The following RGS20 variants were observed in gnomAD, a reference collection of about 807,000 sequenced individuals.
RGS20 encodes the protein regulator of G protein signaling 20.
In RGS20, 30 loss-of-function variants were observed where a neutral mutation model predicts 33.6. That is an observed-to-expected ratio of 0.89 (90% CI 0.67 to 1.21). The LOEUF (loss-of-function observed/expected upper bound fraction) is 1.21. RGS20 is among the 50% of genes most tolerant of loss of function. RGS20 has a pLI of 0.00. For missense variants in RGS20, 472 were observed against 502.4 expected, an observed-to-expected ratio of 0.94 and a Z score of 0.58; for synonymous variants, 208 against 197.9, an observed-to-expected ratio of 1.05 and a Z score of -0.43.
At position 53,879,442 on chromosome 8, in the gene RGS20, C is replaced by A; in HGVS notation, c.350C>A (p.Ser117Ter). The change falls in exon 2 of 6, where the codon TCG becomes TAG. Residue 117 changes from serine (S) to a stop codon, truncating the protein, a stop_gained. Coordinates refer to ENST00000297313, the MANE Select transcript of RGS20 (RefSeq NM_170587.4). LOFTEE classifies it high-confidence loss of function. ...CCCGCCCTGCCGGCCGCCCGGCTCT[C>A]GAGGGGGCACGAGGAGCTGCCGGGC... 2 of 1,599,150 alleles carry A rather than the reference C, an allele frequency of 1.3e-6. No homozygotes were observed. Among genetic ancestry groups the A allele is most frequent in the Non-Finnish European group, 1.7e-6 (2 of 1,174,280 alleles).
chr8:53,888,425 G>A (rs978398840), intron 2 of RGS20, among the ~76,000 whole-genome samples: 1 of 152,116 alleles, frequency 6.6e-6, no homozygotes, highest in Non-Finnish European at 1.5e-5. Context: ...TTATGTAAGT[G>A]TACCCCCACA....
At chr8:53,927,201 G>GT (rs553191513) in intron 2 of RGS20, among the ~76,000 whole-genome samples, 3,886 of 126,888 alleles carry the variant, frequency 0.031, 64 homozygotes, top group African/African-American at 0.049. Context: ...TTTTTGGGGC[G>GT]TTTTTTTTTT....
intron 1 of RGS20, among the ~76,000 whole-genome samples, chr8:53,869,767 G>C (rs577149380): frequency 1.2e-4 from 18 of 152,186 alleles, no homozygotes; most frequent in East Asian, 1.9e-4. Flanking sequence ...CACACACCAA[G>C]AGAACATGGA....
In RGS20 at chr8:53,899,012, T is replaced by C. The variant is rs115406232; in HGVS notation, c.510+19410T>C. 9.7e-3 allele frequency among the ~76,000 whole-genome samples: 1,470 copies of C among 152,306 alleles called. 24 individuals carry two copies. Among genetic ancestry groups the C allele is most frequent in the African/African-American group, 0.033 (1,391 of 41,562 alleles). ...TGGCACATTATTGTTCAAATACATA[T>C]TAAAATTTCTGCTGTTAGGAACTTT... On this transcript the variant is annotated intron_variant, in intron 2 of 5. Coordinates refer to ENST00000297313, the MANE Select transcript of RGS20 (RefSeq NM_170587.4).
chr8:53,941,210 T>A (rs533073437), intron 3 of RGS20, among the ~76,000 whole-genome samples: 324 of 152,318 alleles, frequency 2.1e-3, no homozygotes, highest in African/African-American at 7.6e-3. Context: ...TATCTGTACC[T>A]AAGACACTAT....
chr8:53,885,761 T>C (rs1278992244), intron 2 of RGS20, among the ~76,000 whole-genome samples: 1 of 151,258 alleles, frequency 6.6e-6, no homozygotes. Flanking sequence ...TTTTTTCCAG[T>C]GTGTGAACTG....
At chr8:53,928,680 G>A (rs1426836762) in intron 2 of RGS20, among the ~76,000 whole-genome samples, 4 of 151,974 alleles carry the variant, frequency 2.6e-5, no homozygotes, top group Admixed American at 6.6e-5. Flanking sequence ...AAAATTAGCC[G>A]GGCGTGGTGG....
At chr8:53,947,624 GCTATATATAGGATATAGTACATACATTT>G (rs1814548379) in intron 4 of RGS20, among the ~76,000 whole-genome samples, 1 of 100,354 alleles carries the variant, frequency 1.0e-5, no homozygotes, top group African/African-American at 3.8e-5. Context: ...ATTTATATAT[GCTATATATAGGATATAGTACATACATTT>G]ATATATGCTA....
chr8:53,875,444 AAAAAAACC>A (rs1328638822), intron 1 of RGS20, among the ~76,000 whole-genome samples: 2 of 148,008 alleles, frequency 1.4e-5, no homozygotes, highest in African/African-American at 5.1e-5. Flanking sequence ...AAAAAAAAAA[AAAAAAACC>A]AAAAAAACCA....
intron 2 of RGS20, among the ~76,000 whole-genome samples, chr8:53,924,070 T>A (rs1585926154): frequency 6.6e-6 from 1 of 151,788 alleles, no homozygotes; most frequent in African/African-American, 2.4e-5. Context: ...CAGGCCGGAG[T>A]GCAATGGAAT....
At chr8:53,858,724 C>T (rs879285414) in intron 1 of RGS20, among the ~76,000 whole-genome samples, 6 of 151,832 alleles carry the variant, frequency 4.0e-5, no homozygotes, top group South Asian at 2.1e-4. Context: ...ACAATTGAGA[C>T]GCCCCCAAGC....
chr8:53,853,704 G>A (rs1323068783), intron 1 of RGS20, among the ~76,000 whole-genome samples: 3 of 152,316 alleles, frequency 2.0e-5, no homozygotes, highest in South Asian at 2.1e-4. Context: ...AGGAGCCATA[G>A]GGAATAAAGA....
intron 4 of RGS20, among the ~76,000 whole-genome samples, chr8:53,953,026 T>A (rs749107204): frequency 1.3e-5 from 2 of 152,048 alleles, no homozygotes; most frequent in Non-Finnish European, 2.9e-5. Flanking sequence ...CATTCATAAG[T>A]GTTCATTTAC....
intron 1 of RGS20, among the ~76,000 whole-genome samples, chr8:53,871,112 CAAAAAAAAAAAAA>C (rs370091533): frequency 0.013 from 269 of 21,488 alleles, 3 homozygotes; most frequent in Middle Eastern, 0.043. Context: ...CTCCATCTCA[CAAAAAAAAAAAAA>C]AAAAAAAAAA....
intron 2 of RGS20, among the ~76,000 whole-genome samples, chr8:53,909,040 T>A (rs375231599): frequency 6.6e-6 from 1 of 150,964 alleles, no homozygotes; most frequent in African/African-American, 2.4e-5. Flanking sequence ...ATGTGAGGAT[T>A]TTACATGAAT....
intron 5 of RGS20, among the ~76,000 whole-genome samples, chr8:53,956,871 G>A (rs1021812929): frequency 1.3e-5 from 2 of 152,128 alleles, no homozygotes; most frequent in African/African-American, 4.8e-5. Context: ...AAACAGGCCG[G>A]GCACAGTGGC....
intron 2 of RGS20, among the ~76,000 whole-genome samples, chr8:53,921,208 A>G (rs2129286426): frequency 6.6e-6 from 1 of 152,238 alleles, no homozygotes; most frequent in East Asian, 1.9e-4. Flanking sequence ...ATGTTGCTAG[A>G]TTCCGTTTGC....
intron 2 of RGS20, among the ~76,000 whole-genome samples, chr8:53,907,865 T>C (rs1432054619): frequency 1.3e-5 from 2 of 152,118 alleles, no homozygotes; most frequent in African/African-American, 2.4e-5. Context: ...AAGGGTGAGG[T>C]TTGGGATTCC....
chr8:53,950,951 A>T (rs1001372041), intron 4 of RGS20, among the ~76,000 whole-genome samples: 17 of 152,172 alleles, frequency 1.1e-4, no homozygotes, highest in Non-Finnish European at 1.2e-4. Flanking sequence ...CAGTAAACAA[A>T]ATAGACTTTA....
Sources: allele counts gnomAD v4.1 joint callset (sites outside exome capture counted in the v4.1 genomes callset), GRCh38; gene constraint gnomAD v4.1.1; transcripts MANE v1.5; gene names NCBI Gene and HGNC (gene_info 2026-07-23, HGNC 2026-07-21).